The following CEP112 variants were observed in gnomAD, a reference collection of about 807,000 sequenced individuals.
The protein encoded by CEP112 is centrosomal protein 112, also known as centrosomal protein of 112 kDa.
Under a neutral mutation model 153.0 loss-of-function variants are expected in CEP112, and 127 were observed. That is an observed-to-expected ratio of 0.83 (90% CI 0.72 to 0.96). The LOEUF is 0.96. Among genes scored for constraint, CEP112 ranks in the 40% least tolerant of loss-of-function variants. The pLI is 0.00. For missense variants in CEP112, 1,089 were observed against 1,101.2 expected, an observed-to-expected ratio of 0.99 and a Z score of 0.16; for synonymous variants, 358 against 374.4, an observed-to-expected ratio of 0.96 and a Z score of 0.51.
intron 18 of CEP112, among the ~76,000 whole-genome samples, chr17:65,953,701 G>A (rs561583620): frequency 3.3e-5 from 5 of 152,006 alleles, no homozygotes; most frequent in African/African-American, 1.2e-4. Context: ...CTACTTCCCT[G>A]GTGACCTGTA....
intron 23 of CEP112, among the ~76,000 whole-genome samples, chr17:65,701,907 T>TG (rs2048658145): frequency 1.3e-5 from 2 of 148,916 alleles, no homozygotes; most frequent in African/African-American, 4.9e-5. Flanking sequence ...TGTTTTTTTT[T>TG]TTTTTTTTTG....
intron 22 of CEP112, among the ~76,000 whole-genome samples, chr17:65,744,288 C>T (rs963894491): frequency 6.6e-6 from 1 of 150,750 alleles, no homozygotes; most frequent in African/African-American, 2.4e-5. Context: ...GAGTCTTGCT[C>T]TGTTACCCAG....
intron 19 of CEP112, among the ~76,000 whole-genome samples, chr17:65,911,019 G>C (rs980048924): frequency 2.0e-5 from 3 of 152,210 alleles, no homozygotes; most frequent in African/African-American, 7.2e-5. Flanking sequence ...CAAAGTGTCA[G>C]GGGAAGAAAG....
At chr17:65,740,334 C>A (rs2051058784) in intron 23 of CEP112, among the ~76,000 whole-genome samples, 1 of 152,154 alleles carries the variant, frequency 6.6e-6, no homozygotes. Flanking sequence ...CTAGAACAAG[C>A]ATCTTTTTGA....
chr17:65,741,421 G>T (rs1209456367), intron 23 of CEP112, among the ~76,000 whole-genome samples: 1 of 151,420 alleles, frequency 6.6e-6, no homozygotes, highest in African/African-American at 2.4e-5. Flanking sequence ...TACCTATATT[G>T]TAATTTTAAT....
At chr17:66,021,775 A>T (rs2065009258) in intron 16 of CEP112, among the ~76,000 whole-genome samples, 1 of 152,176 alleles carries the variant, frequency 6.6e-6, no homozygotes, top group African/African-American at 2.4e-5. Context: ...TGCCCAGTCC[A>T]GCTCTGCCCA....
At chr17:65,649,717 CAAA>C (rs3077085) in intron 24 of CEP112, among the ~76,000 whole-genome samples, 6 of 114,534 alleles carry the variant, frequency 5.2e-5, no homozygotes, top group Admixed American at 9.2e-5. Context: ...GACCCTGTCT[CAAA>C]AAAAAAAAAA....
chr17:65,659,001 G>C (rs947509773), intron 24 of CEP112, among the ~76,000 whole-genome samples: 2 of 120,778 alleles, frequency 1.7e-5, no homozygotes, highest in Non-Finnish European at 3.2e-5. Flanking sequence ...GGGTGACAGA[G>C]CGAGACTCTG....
chr17:65,767,386 TA>T (rs1361117311), intron 21 of CEP112, among the ~76,000 whole-genome samples: 1 of 151,986 alleles, frequency 6.6e-6, no homozygotes, highest in Non-Finnish European at 1.5e-5. Flanking sequence ...CCCAAAAGCA[TA>T]AATGTCCCAT....
chr17:65,706,668 C>T lies in CEP112; in HGVS notation c.2608-17450G>A, dbSNP rs9901735. Among the ~76,000 whole-genome samples the T allele has an allele frequency of 4.9e-3, 739 of 152,286 alleles. 4 individuals are homozygous for T. The highest frequency in any genetic ancestry group is 0.017 in the African/African-American group (715 of 41,558). On this transcript the variant is annotated intron_variant, in intron 23 of 26. Coordinates refer to ENST00000535342, the MANE Select transcript of CEP112 (RefSeq NM_001199165.4). ...TCCTATATATTCAGATCTAGATTAACGGAACCCATATTCACCTAGTTATCC... is the reference window on the plus strand; with the variant it reads ...TCCTATATATTCAGATCTAGATTAATGGAACCCATATTCACCTAGTTATCC...
chr17:65,971,267 CAT>C (rs1463058092), intron 17 of CEP112, among the ~76,000 whole-genome samples: 1 of 152,298 alleles, frequency 6.6e-6, no homozygotes, highest in African/African-American at 2.4e-5. Flanking sequence ...GTACTGCACA[CAT>C]GTACAGCACA....
intron 8 of CEP112, among the ~76,000 whole-genome samples, chr17:66,084,881 T>C (rs945496668): frequency 2.0e-5 from 3 of 152,182 alleles, no homozygotes; most frequent in African/African-American, 4.8e-5. Context: ...CCTGATGTGA[T>C]TATTATGCAT....
Position 66,185,148 on chromosome 17 carries a change from CTATG to C in CEP112, c.-8-1845_-8-1842del, listed in dbSNP as rs201336839. Among the ~76,000 whole-genome samples the C allele has an allele frequency of 2.8e-5, 4 of 142,064 alleles. No homozygotes were observed. The East Asian group carries it at 8.2e-4, about 29-fold the overall frequency. 93.2% of individuals were successfully genotyped at this position (142,064 alleles called of 152,430 possible). On this transcript the variant is annotated intron_variant, in intron 1 of 26. Coordinates refer to ENST00000535342, the MANE Select transcript of CEP112 (RefSeq NM_001199165.4). Reference sequence around the variant, plus strand: ...ATGTTGGAATTTTTCTGTACACTATCTATGTAGGAAGTTATAAGAACCTACAGTG... The same window carrying C: ...ATGTTGGAATTTTTCTGTACACTATCTAGGAAGTTATAAGAACCTACAGTG...
intron 24 of CEP112, among the ~76,000 whole-genome samples, chr17:65,645,221 T>C (rs1473022794): frequency 1.3e-5 from 2 of 151,982 alleles, no homozygotes; most frequent in African/African-American, 4.8e-5. Context: ...ATTTTATCTA[T>C]TATTACTTTT....
chr17:65,865,198 C>T (rs571665738), intron 20 of CEP112, among the ~76,000 whole-genome samples: 11 of 151,940 alleles, frequency 7.2e-5, no homozygotes, highest in African/African-American at 1.4e-4. Flanking sequence ...CATGCCACCA[C>T]GACTGTCTAA....
intron 20 of CEP112, among the ~76,000 whole-genome samples, chr17:65,883,685 C>CT (rs1465024628): frequency 1.3e-5 from 2 of 152,204 alleles, no homozygotes; most frequent in East Asian, 3.9e-4. Flanking sequence ...ATATTTTACT[C>CT]TAAGTGCAAG....
At chr17:65,942,970 T>C (rs1198056811) in intron 18 of CEP112, among the ~76,000 whole-genome samples, 1 of 152,198 alleles carries the variant, frequency 6.6e-6, no homozygotes, top group African/African-American at 2.4e-5. Context: ...TTAATACATA[T>C]TTAAGGTGTA....
chr17:65,720,868 T>C (rs1256182696), intron 23 of CEP112, among the ~76,000 whole-genome samples: 3 of 152,222 alleles, frequency 2.0e-5, no homozygotes, highest in Non-Finnish European at 2.9e-5. Flanking sequence ...TCTCTCATTT[T>C]GGAAATGAGG....
intron 17 of CEP112, among the ~76,000 whole-genome samples, chr17:65,968,535 G>T (rs1315409794): frequency 6.6e-6 from 1 of 152,108 alleles, no homozygotes; most frequent in Non-Finnish European, 1.5e-5. Context: ...TACTTTTAGA[G>T]AATTGTATTG....
Sources: allele counts gnomAD v4.1 joint callset (sites outside exome capture counted in the v4.1 genomes callset), GRCh38; gene constraint gnomAD v4.1.1; transcripts MANE v1.5; gene names NCBI Gene and HGNC (gene_info 2026-07-23, HGNC 2026-07-21).